The following TRIM24 variants were observed in gnomAD, a reference collection of about 807,000 sequenced individuals.
TRIM24 encodes the protein tripartite motif containing 24.
TRIM24 carries 29 observed loss-of-function variants against 123.9 expected under a neutral mutation model. The ratio of observed to expected loss-of-function variants is 0.23; its 90% CI spans 0.17 to 0.32. The LOEUF is 0.32. TRIM24 is among the 10% of genes least tolerant of loss of function. The pLI is 1.00. For missense variants in TRIM24, 932 were observed against 1,295.3 expected (o/e 0.72, Z 4.31); for synonymous variants, 456 against 461.1 (o/e 0.99, Z 0.14).
chr7:138,482,981 A>G (rs1396478788), intron 1 of TRIM24, among the ~76,000 whole-genome samples: 1 of 151,970 alleles, frequency 6.6e-6, no homozygotes, highest in East Asian at 1.9e-4. Flanking sequence ...GCAGTGGCAC[A>G]GTCAGGGATC....
At chr7:138,482,649 T>TA (rs1365871280) in intron 1 of TRIM24, among the ~76,000 whole-genome samples, 1 of 152,246 alleles carries the variant, frequency 6.6e-6, no homozygotes, top group African/African-American at 2.4e-5. Flanking sequence ...AGTCTTCTCT[T>TA]AAAGTTTTTC....
At chr7:138,490,238 G>A (rs1008519574) in intron 1 of TRIM24, among the ~76,000 whole-genome samples, 2 of 152,040 alleles carry the variant, frequency 1.3e-5, no homozygotes, top group Non-Finnish European at 2.9e-5. Context: ...GTTTATGCTC[G>A]TTAGCCATTC....
intron 7 of TRIM24, among the ~76,000 whole-genome samples, chr7:138,541,491 A>G (rs909036149): frequency 1.3e-5 from 2 of 152,214 alleles, no homozygotes; most frequent in Non-Finnish European, 2.9e-5. Context: ...AAGTGGGCTT[A>G]AAATAATAAC....
intron 17 of TRIM24, among the ~76,000 whole-genome samples, chr7:138,582,922 TAAC>T (rs1326219647): frequency 1.3e-5 from 2 of 152,326 alleles, no homozygotes; most frequent in East Asian, 3.9e-4. Flanking sequence ...GAGAGGCTTG[TAAC>T]AACATTACCA....
At chr7:138,512,402 G>A (rs1030058000) in intron 2 of TRIM24, among the ~76,000 whole-genome samples, 7 of 152,154 alleles carry the variant, frequency 4.6e-5, no homozygotes, top group Non-Finnish European at 8.8e-5. Context: ...CCTCTGTACT[G>A]CGCGAGTAGA....
rs200922122 is a variant in TRIM24, at chr7:138,519,325, C to T, written c.764+4C>T. On this transcript the variant is annotated splice_donor_region_variant and intron_variant, in intron 4 of 18. Coordinates refer to ENST00000343526, the MANE Select transcript of TRIM24 (RefSeq NM_015905.3). Reference sequence around the variant, plus strand: ...TGTTAGAACATAAAGAGCATAGGTACCAGCATCTTTGGTTATATATATAGA... The same window carrying T: ...TGTTAGAACATAAAGAGCATAGGTATCAGCATCTTTGGTTATATATATAGA... The T allele has an allele frequency of 2.3e-5, 36 of 1,599,068 alleles. No homozygotes were observed. In the South Asian group the frequency reaches 2.8e-4, roughly 13 times the overall value.
chr7:138,531,031 G>A (rs1477966648), intron 6 of TRIM24, among the ~76,000 whole-genome samples: 2 of 152,104 alleles, frequency 1.3e-5, no homozygotes, highest in Non-Finnish European at 2.9e-5. Context: ...TTGGCTCACT[G>A]CAGCCTCAAA....
intron 7 of TRIM24, among the ~76,000 whole-genome samples, chr7:138,545,073 A>T (rs1434027035): frequency 1.3e-5 from 2 of 152,228 alleles, no homozygotes; most frequent in Non-Finnish European, 1.5e-5. Context: ...ATGTGTGTTG[A>T]GTATATGAAA....
chr7:138,479,625 G>C (rs1243105430), intron 1 of TRIM24, among the ~76,000 whole-genome samples: 3 of 151,756 alleles, frequency 2.0e-5, no homozygotes, highest in Non-Finnish European at 2.9e-5. Context: ...CAATTCTCCT[G>C]CCTCAGCCTC....
At chr7:138,470,710 A>G (rs995695057) in intron 1 of TRIM24, among the ~76,000 whole-genome samples, 1 of 152,218 alleles carries the variant, frequency 6.6e-6, no homozygotes, top group African/African-American at 2.4e-5. Flanking sequence ...AGTTCCATTT[A>G]AGTCTGTAAC....
rs1271911688 is a variant in TRIM24 at position 138,502,785 on chromosome 7, T to C, written c.365-1505T>C. On this transcript the variant is annotated intron_variant, in intron 1 of 18. Coordinates refer to ENST00000343526, the MANE Select transcript of TRIM24 (RefSeq NM_015905.3). ...TCTTTGCCAGTACTGTGTGTTTAGATAGATCTTCCATCTTGAGGCTTGTCT... is the reference window on the plus strand; with the variant it reads ...TCTTTGCCAGTACTGTGTGTTTAGACAGATCTTCCATCTTGAGGCTTGTCT... 2.0e-5 allele frequency among the ~76,000 whole-genome samples: 3 copies of C among 152,228 alleles called. 1 individual carries two copies. The highest frequency in any genetic ancestry group is 3.8e-4 in the East Asian group (2 of 5,202).
At chr7:138,472,306 T>C (rs770103422) in intron 1 of TRIM24, among the ~76,000 whole-genome samples, 93 of 151,370 alleles carry the variant, frequency 6.1e-4, no homozygotes, top group Admixed American at 1.9e-3. Context: ...AAAAAAAAGA[T>C]TTGGTGAGGC....
chr7:138,542,405 A>G (rs1797023071), intron 7 of TRIM24, among the ~76,000 whole-genome samples: 1 of 152,202 alleles, frequency 6.6e-6, no homozygotes, highest in African/African-American at 2.4e-5. Context: ...TGGTGGCACA[A>G]ACAGAATATA....
chr7:138,460,407 G>C lies in TRIM24; in HGVS notation c.-142G>C. The C allele has an allele frequency of 1.1e-6, 1 of 937,960 alleles. No individual in the cohort carries two copies. The highest frequency in any genetic ancestry group is 1.4e-6 in the Non-Finnish European group (1 of 717,698). The allele number at this position is 937,960 out of a possible 1,614,324, so 58.1% of individuals were successfully genotyped here. On this transcript the variant is annotated 5_prime_UTR_variant, in exon 1 of 19. Coordinates refer to ENST00000343526, the MANE Select transcript of TRIM24 (RefSeq NM_015905.3). The stretch of plus-strand genomic sequence containing the variant: ...GGCCTGAGGAGGCTTCCCCCGCCCG[G>C]TTTGCTTTCCCTCCCTCGCTGGCGC...
chr7:138,504,190 A>AACGGAC lies in TRIM24; in HGVS notation c.365-99_365-98insCGGACA, dbSNP rs1303481359. The AACGGAC allele has an allele frequency of 9.0e-4, 608 of 671,876 alleles. 1 individual carries two copies. In the African/African-American group the frequency reaches 9.7e-3, roughly 11 times the overall value. The allele number at this position is 671,876 out of a possible 1,614,324, so 41.6% of individuals were successfully genotyped here. A position where few individuals can be genotyped will look rare whatever the true frequency, so the allele number is the denominator to read the frequency against. On this transcript the variant is annotated intron_variant, in intron 1 of 18. Transcript: ENST00000343526. Reference sequence around the variant, plus strand: ...TGACAGCAGGTATGAATTTAAAAAGAATGGACATTGAAAAAGAACAAAGTC... The same window carrying AACGGAC: ...TGACAGCAGGTATGAATTTAAAAAGAACGGACATGGACATTGAAAAAGAACAAAGTC...
At chr7:138,521,155 T>C (rs1796496835) in intron 4 of TRIM24, among the ~76,000 whole-genome samples, 1 of 152,330 alleles carries the variant, frequency 6.6e-6, no homozygotes, top group East Asian at 1.9e-4. Flanking sequence ...TGGGAGAGCA[T>C]ATCCCTGCTA....
At chr7:138,473,749 C>T (rs1795329217) in intron 1 of TRIM24, among the ~76,000 whole-genome samples, 1 of 152,184 alleles carries the variant, frequency 6.6e-6, no homozygotes, top group African/African-American at 2.4e-5. Context: ...ATATTTTAGT[C>T]AGTATGTTAT....
chr7:138,536,401 A>G (rs1796874570), intron 6 of TRIM24, among the ~76,000 whole-genome samples: 2 of 152,128 alleles, frequency 1.3e-5, no homozygotes, highest in African/African-American at 2.4e-5. Flanking sequence ...TTTGGTGTGG[A>G]TGTCCTTTCT....
chr7:138,523,908 A>G (rs958478343), intron 4 of TRIM24, among the ~76,000 whole-genome samples: 5 of 152,190 alleles, frequency 3.3e-5, no homozygotes, highest in African/African-American at 9.6e-5. Flanking sequence ...AGTCTCACTC[A>G]TGAAATGAAT....
Sources: gnomAD v4.1 joint callset for allele counts (sites outside exome capture counted in the v4.1 genomes callset) on GRCh38, gnomAD v4.1.1 for gene constraint, MANE v1.5 for transcripts, NCBI Gene and HGNC (gene_info 2026-07-23, HGNC 2026-07-21) for gene names.